ABCA3: variants seen among roughly 807,000 people sequenced by gnomAD.
The protein encoded by ABCA3 is phospholipid-transporting ATPase ABCA3.
ABCA3 carries 88 observed loss-of-function variants against 172.8 expected under a neutral mutation model. The observed-to-expected ratio is 0.51, with a 90% CI of 0.43 to 0.61. The LOEUF is 0.61. ABCA3 is among the 20% of genes least tolerant of loss of function. ABCA3 has a pLI of 0.00. For synonymous variants in ABCA3, 1,066 were observed against 983.8 expected, an observed-to-expected ratio of 1.08 and a Z score of -1.56; for missense variants, 2,164 against 2,301.0, an observed-to-expected ratio of 0.94 and a Z score of 1.22.
chr16:2,298,528 G>A lies in ABCA3; in HGVS notation c.1754C>T (p.Pro585Leu), dbSNP rs764514558. 3 of 1,613,494 alleles carry A rather than the reference G, an allele frequency of 1.9e-6. No homozygotes were observed. Among genetic ancestry groups the A allele is most frequent in the Non-Finnish European group, 2.5e-6 (3 of 1,179,968 alleles). ...GCTGATGTATGCCCGTCCACTGGTG[G>A]GGGGAAAGAGACCTGGGGCCCAGCA... ...TLSMLTGLFPPTSGRAYISGY... is the reference protein window; with the variant it reads ...TLSMLTGLFPLTSGRAYISGY... The change falls in exon 15 of 33, where the codon CCC (proline) becomes CTC (leucine). Residue 585 changes from proline to leucine, a missense_variant. Transcript: ENST00000301732.
rs145988737 is a variant in ABCA3, at chr16:2,281,399, A to C, written c.4146T>G (p.Ile1382Met). ...AGGGTACCTTGGAGAGCTCCTTGATAATCAGAGGTGTGTGGAGCAGGGAGT... is the reference window on the plus strand; with the variant it reads ...AGGGTACCTTGGAGAGCTCCTTGATCATCAGAGGTGTGTGGAGCAGGGAGT... Reference protein sequence around the residue: ...SPDSLLHTPLIIKELSKVYEQ... With the variant: ...SPDSLLHTPLMIKELSKVYEQ... The change falls in exon 27 of 33, where the codon ATT (isoleucine) becomes ATG (methionine). Residue 1382 changes from isoleucine to methionine, a missense_variant. Coordinates refer to ENST00000301732, the MANE Select transcript of ABCA3 (RefSeq NM_001089.3). This position sits in a 1 kb window ranked among gnomAD's most constrained non-coding sequence, Gnocchi z 4.7. The C allele has an allele frequency of 8.1e-6, 13 of 1,613,600 alleles. No individual in the cohort carries two copies. The highest frequency in any genetic ancestry group is 1.1e-5 in the Non-Finnish European group (13 of 1,180,002).
At chr16:2,299,948 A>G in intron 13 of ABCA3, 57 bp downstream of exon 13, 2 of 1,605,686 alleles carry the variant, frequency 1.2e-6, no homozygotes, top group Non-Finnish European at 8.5e-7. Flanking sequence ...CCGTGCTGGT[A>G]AGTCTTCCCA....
intron 7 of ABCA3, among the ~76,000 whole-genome samples, chr16:2,321,954 C>A (rs45496494): frequency 6.6e-6 from 1 of 152,058 alleles, no homozygotes; most frequent in Non-Finnish European, 1.5e-5. Flanking sequence ...AATCCCAGAA[C>A]TTTGGGAAGC....
At chr16:2,280,569 T>C (rs1328309578) in intron 28 of ABCA3, among the ~76,000 whole-genome samples, 1 of 152,206 alleles carries the variant, frequency 6.6e-6, no homozygotes, top group Admixed American at 6.5e-5. Flanking sequence ...CCTGCTCTGC[T>C]TGGCACACTT....
At chr16:2,323,853 C>T (rs1295471196) in intron 6 of ABCA3, among the ~76,000 whole-genome samples, 165 bp from the exon 7 acceptor site, 1 of 152,080 alleles carries the variant, frequency 6.6e-6, no homozygotes, top group African/African-American at 2.4e-5. Context: ...CTGAGTGGTC[C>T]CTGTCCTAGC....
rs141615055 is a variant in ABCA3, at chr16:2,307,540, C to A, written c.1285+910G>T. 3.3e-5 allele frequency among the ~76,000 whole-genome samples: 5 copies of A among 151,736 alleles called. 1 individual carries two copies. Among genetic ancestry groups the A allele is most frequent in the Admixed American group, 2.6e-4 (4 of 15,204 alleles). ...CTGCACTCAAACCTGGGAAACAGAACGAGACTCTTGTCTCAAAAAAAAAGA... is the reference window on the plus strand; with the variant it reads ...CTGCACTCAAACCTGGGAAACAGAAAGAGACTCTTGTCTCAAAAAAAAAGA... On this transcript the variant is annotated intron_variant, in intron 11 of 32. Transcript: ENST00000301732.
chr16:2,325,804 G>C (rs144957503), intron 5 of ABCA3, among the ~76,000 whole-genome samples: 71 of 152,268 alleles, frequency 4.7e-4, no homozygotes, highest in Non-Finnish European at 8.7e-4. Context: ...AGGAGAGACT[G>C]CTATTTACTC....
In ABCA3 at chr16:2,277,790, G is replaced by A. The variant is rs994386940; in HGVS notation, c.4909+89C>T. The A allele has an allele frequency of 3.1e-5, 50 of 1,592,720 alleles. No individual in the cohort carries two copies. Among genetic ancestry groups the A allele is most frequent in the Non-Finnish European group, 4.1e-5 (48 of 1,168,990 alleles). Reference sequence around the variant, plus strand: ...TTGGGGAGATGGGACTTGGCGGGGCGAGGCACAGACGCTCCGCACAGCAGA... The same window carrying A: ...TTGGGGAGATGGGACTTGGCGGGGCAAGGCACAGACGCTCCGCACAGCAGA... On this transcript the variant is annotated intron_variant, in intron 31 of 32. Coordinates refer to ENST00000301732, the MANE Select transcript of ABCA3 (RefSeq NM_001089.3). This position sits in a 1 kb window ranked among gnomAD's most constrained non-coding sequence, Gnocchi z 5.3.
chr16:2,279,742 ATTTT>A lies in ABCA3; in HGVS notation c.4360-616_4360-613del, dbSNP rs556253061. Among the ~76,000 whole-genome samples, 1 of 140,130 alleles carries A rather than the reference ATTTT, an allele frequency of 7.1e-6. No homozygotes were observed. Among genetic ancestry groups the A allele is most frequent in the African/African-American group, 2.6e-5 (1 of 38,072 alleles). 91.9% of individuals were successfully genotyped at this position (140,130 alleles called of 152,430 possible). On this transcript the variant is annotated intron_variant, in intron 28 of 32. Coordinates refer to ENST00000301732, the MANE Select transcript of ABCA3 (RefSeq NM_001089.3). This position sits in a 1 kb window ranked among gnomAD's most constrained non-coding sequence, Gnocchi z 4.4. ...TCTTTGGGGTTCTCAAGCTTCCAGA[ATTTT>A]TTTTTTTTTTTTTGAGACAGAGTCT...
At chr16:2,322,211 GA>G (rs1207761313) in intron 7 of ABCA3, among the ~76,000 whole-genome samples, 7 of 148,552 alleles carry the variant, frequency 4.7e-5, no homozygotes, top group African/African-American at 7.4e-5. Context: ...AAAAAAAAAA[GA>G]AAAAAAGCTG....
rs1329540257 is a variant in ABCA3 at position 2,297,651 on chromosome 16, G to C, written c.2053-112C>G. 4 of 1,588,568 alleles carry C rather than the reference G, an allele frequency of 2.5e-6. No homozygotes were observed. The East Asian group carries it at 6.7e-5, about 27-fold the overall frequency. On this transcript the variant is annotated intron_variant, in intron 16 of 32. Coordinates refer to ENST00000301732, the MANE Select transcript of ABCA3 (RefSeq NM_001089.3). This position sits in a 1 kb window ranked among gnomAD's most constrained non-coding sequence, Gnocchi z 5.6. ...CGCGGAGCCGGCTTGAGTCCTCCAA[G>C]GATGGTGATGGCCTTGTCTGGGGTG...
chr16:2,294,320 ACAG>A (rs1362345454), intron 18 of ABCA3, among the ~76,000 whole-genome samples: 4 of 151,526 alleles, frequency 2.6e-5, no homozygotes, highest in Admixed American at 2.6e-4. Flanking sequence ...GCCACTATGC[ACAG>A]CTGCGAAACA....
intron 18 of ABCA3, 110 bp downstream of exon 18, chr16:2,295,480 G>A: frequency 6.5e-7 from 1 of 1,534,760 alleles, no homozygotes; most frequent in Non-Finnish European, 8.9e-7. Flanking sequence ...AGTGCCGACT[G>A]GCCAGGCCAG....
chr16:2,333,383 C>T (rs1342517648), intron 1 of ABCA3, among the ~76,000 whole-genome samples: 1 of 152,214 alleles, frequency 6.6e-6, no homozygotes, highest in African/African-American at 2.4e-5. Flanking sequence ...AAGAGAGCCG[C>T]CAACCATGGC....
chr16:2,328,462 AAGTAGGTGGTCTG>A lies in ABCA3; in HGVS notation c.-49_-37del, dbSNP rs1489242292. 2.0e-6 allele frequency: 1 copy of A among 506,294 alleles called. No homozygotes were observed. Among genetic ancestry groups the A allele is most frequent in the Non-Finnish European group, 3.9e-6 (1 of 254,012 alleles). The allele number at this position is 506,294 out of a possible 1,614,324, so 31.4% of individuals were successfully genotyped here. On this transcript the variant is annotated 5_prime_UTR_variant, in exon 3 of 33. Coordinates refer to ENST00000301732, the MANE Select transcript of ABCA3 (RefSeq NM_001089.3). Reference sequence around the variant, plus strand: ...TTCATGAGCTGCTAACCTGCTAGAGAAGTAGGTGGTCTGAGTAAGTTCAAGTAGGCGCTGCAAC... The same window carrying A: ...TTCATGAGCTGCTAACCTGCTAGAGAAGTAAGTTCAAGTAGGCGCTGCAAC...
chr16:2,288,657 A>G (rs1380777518), intron 20 of ABCA3, among the ~76,000 whole-genome samples: 1 of 151,994 alleles, frequency 6.6e-6, no homozygotes, highest in African/African-American at 2.4e-5. Flanking sequence ...CTGGGTTCCT[A>G]CCTCAGCCTC....
chr16:2,291,581 C>A (rs534120839), intron 19 of ABCA3, among the ~76,000 whole-genome samples: 1 of 152,184 alleles, frequency 6.6e-6, no homozygotes, highest in Non-Finnish European at 1.5e-5. Context: ...AGACCCGTGG[C>A]GGGTCTAGGA....
Position 2,285,734 on chromosome 16 carries a change from A to T in ABCA3, c.3279-88T>A. The T allele has an allele frequency of 7.4e-7, 1 of 1,346,100 alleles. No homozygotes were observed. The highest frequency in any genetic ancestry group is 1.0e-6 in the Non-Finnish European group (1 of 967,042). The allele number at this position is 1,346,100 out of a possible 1,614,324, so 83.4% of individuals were successfully genotyped here. A position where few individuals can be genotyped will look rare whatever the true frequency, so the allele number is the denominator to read the frequency against. Reference sequence around the variant, plus strand: ...GTTCTCGGTTATGACCGCCCAAGGCATGCAGGGCAGCAGCCCAACCACTAA... The same window carrying T: ...GTTCTCGGTTATGACCGCCCAAGGCTTGCAGGGCAGCAGCCCAACCACTAA... On this transcript the variant is annotated intron_variant, in intron 22 of 32. Coordinates refer to ENST00000301732, the MANE Select transcript of ABCA3 (RefSeq NM_001089.3). The surrounding 1 kb of genome is among the most constrained non-coding windows in gnomAD (Gnocchi z 4.7).
In ABCA3 at chr16:2,295,907, G is replaced by A. The variant is rs565232937; in HGVS notation, c.2264-167C>T. 6.6e-5 allele frequency among the ~76,000 whole-genome samples: 10 copies of A among 152,308 alleles called. No homozygotes were observed. The East Asian group carries it at 1.9e-3, about 29-fold the overall frequency. The stretch of plus-strand genomic sequence containing the variant: ...AATGTGTCTTGGAGCTCCCTGTGCT[G>A]TCCCAAGGGTGTCACCTCCCGCTCC... On this transcript the variant is annotated intron_variant, in intron 17 of 32. Transcript: ENST00000301732.
Sources: gnomAD v4.1 joint callset for allele counts (sites outside exome capture counted in the v4.1 genomes callset) on GRCh38, gnomAD v4.1.1 for gene constraint, Gnocchi (gnomAD v3.1) non-coding constraint, MANE v1.5 for transcripts, NCBI Gene and HGNC (gene_info 2026-07-23, HGNC 2026-07-21) for gene names.